Variants in EPB41 observed in about 807,000 individuals in gnomAD.
EPB41 encodes the protein protein 4.1.
Under a neutral mutation model 108.0 loss-of-function variants are expected in EPB41, and 65 were observed. The observed-to-expected ratio is 0.60, with a 90% CI of 0.49 to 0.74. The LOEUF (loss-of-function observed/expected upper bound fraction) is 0.74. Among genes scored for constraint, EPB41 ranks in the 30% least tolerant of loss-of-function variants. The pLI is 0.00. For synonymous variants in EPB41, 336 were observed against 358.9 expected, an observed-to-expected ratio of 0.94 and a Z score of 0.72; for missense variants, 875 against 1,037.0, an observed-to-expected ratio of 0.84 and a Z score of 2.15.
chr1:29,101,884 A>G (rs568446072), intron 17 of EPB41, among the ~76,000 whole-genome samples: 11 of 152,110 alleles, frequency 7.2e-5, no homozygotes, highest in Non-Finnish European at 1.6e-4. Context: ...TGGGGAACAG[A>G]GTGAGGACCT....
At chr1:29,058,346 T>A (rs2150890390) in intron 12 of EPB41, among the ~76,000 whole-genome samples, 1 of 152,296 alleles carries the variant, frequency 6.6e-6, no homozygotes, top group East Asian at 1.9e-4. Flanking sequence ...TTACCTTAAT[T>A]TTCTTTTTTG....
chr1:28,919,083 A>G (rs112050742), intron 1 of EPB41, among the ~76,000 whole-genome samples: 3,311 of 152,250 alleles, frequency 0.022, 62 homozygotes, highest in Middle Eastern at 0.051. Context: ...AGAAAGGAGA[A>G]CTTTGATATT....
chr1:29,008,926 C>G (rs1192712677), intron 4 of EPB41, among the ~76,000 whole-genome samples: 1 of 152,134 alleles, frequency 6.6e-6, no homozygotes, highest in Non-Finnish European at 1.5e-5. Context: ...ATTTAGATCC[C>G]CCAGACATTC....
chr1:29,027,112 TAA>T (rs1040208959), intron 7 of EPB41, among the ~76,000 whole-genome samples: 2 of 151,770 alleles, frequency 1.3e-5, no homozygotes, highest in African/African-American at 2.4e-5. Context: ...AAAAAATTCT[TAA>T]GTTAGAATTA....
At chr1:28,993,158 T>C (rs1011577720) in intron 2 of EPB41, among the ~76,000 whole-genome samples, 172 bp from the exon 3 acceptor site, 9 of 152,196 alleles carry the variant, frequency 5.9e-5, no homozygotes, top group Admixed American at 3.9e-4. Flanking sequence ...ACAAAGTCTT[T>C]AGGGCATTTG....
chr1:29,094,798 T>G (rs1662610149), intron 16 of EPB41, among the ~76,000 whole-genome samples: 1 of 152,186 alleles, frequency 6.6e-6, no homozygotes, highest in Non-Finnish European at 1.5e-5. Flanking sequence ...CTCTTCCACA[T>G]TCTCTTCCAT....
At chr1:28,907,946 A>G (rs993732206) in intron 1 of EPB41, among the ~76,000 whole-genome samples, 5 of 152,080 alleles carry the variant, frequency 3.3e-5, no homozygotes, top group Non-Finnish European at 5.9e-5. Flanking sequence ...TTGGGATTAT[A>G]GGTGTGAGCC....
At chr1:29,099,958 G>T (rs539744) in intron 17 of EPB41, among the ~76,000 whole-genome samples, 2 of 152,102 alleles carry the variant, frequency 1.3e-5, no homozygotes, top group Non-Finnish European at 2.9e-5. Flanking sequence ...AGACAATATG[G>T]GATTACATGA....
chr1:28,905,495 CA>C (rs776733764), intron 1 of EPB41, among the ~76,000 whole-genome samples: 150 of 137,142 alleles, frequency 1.1e-3, no homozygotes, highest in African/African-American at 2.6e-3. Flanking sequence ...GACTATGTCT[CA>C]AAAAAAAAAA....
chr1:29,099,233 G>GGA (rs1328890224), intron 17 of EPB41, among the ~76,000 whole-genome samples: 3 of 148,926 alleles, frequency 2.0e-5, no homozygotes, highest in African/African-American at 7.4e-5. Flanking sequence ...CTTGAACACA[G>GGA]GAGGTTGCAG....
rs111656215 is a variant in EPB41, at chr1:28,992,671, A to T, written c.469-659A>T. Among the ~76,000 whole-genome samples the T allele has an allele frequency of 7.4e-3, 1,130 of 152,302 alleles. 10 individuals are homozygous for T. The highest frequency in any genetic ancestry group is 0.026 in the African/African-American group (1,063 of 41,532). ...GCCACTGCACTCCAGCCTGGGCTAC[A>T]GAGTGAGACTCCGTCTCAAAAAAAA... On this transcript the variant is annotated intron_variant, in intron 2 of 20. Transcript: ENST00000343067.
chr1:29,037,144 G>C (rs1252238588), intron 10 of EPB41, among the ~76,000 whole-genome samples: 1 of 152,130 alleles, frequency 6.6e-6, no homozygotes, highest in African/African-American at 2.4e-5. Flanking sequence ...CCAGGCTGGA[G>C]TGCAGTCTGT....
intron 6 of EPB41, among the ~76,000 whole-genome samples, chr1:29,017,732 G>A (rs934420859): frequency 6.6e-6 from 1 of 152,136 alleles, no homozygotes; most frequent in African/African-American, 2.4e-5. Context: ...AAAGGGCCTG[G>A]TTTTGGAGCC....
chr1:29,064,824 A>G, intron 15 of EPB41, 158 bp from the exon 16 acceptor site: 1 of 931,228 alleles, frequency 1.1e-6, no homozygotes, highest in Non-Finnish European at 1.6e-6. Context: ...GCAAGCAAAT[A>G]TACCATGTTG....
intron 1 of EPB41, among the ~76,000 whole-genome samples, chr1:28,905,279 T>C (rs886255224): frequency 2.6e-5 from 4 of 151,736 alleles, no homozygotes; most frequent in Non-Finnish European, 4.4e-5. Flanking sequence ...AGTGGATCAC[T>C]TGAGGTTGGG....
chr1:29,004,193 G>C (rs1186504143), intron 4 of EPB41, among the ~76,000 whole-genome samples: 1 of 152,030 alleles, frequency 6.6e-6, no homozygotes, highest in East Asian at 1.9e-4. Context: ...TTTTTTCCTT[G>C]GGAGAGAAGT....
At chr1:29,065,187 TG>T (rs1384810204) in intron 16 of EPB41, 29 bp downstream of exon 16, 1 of 1,540,740 alleles carries the variant, frequency 6.5e-7, no homozygotes, top group African/African-American at 1.4e-5. Context: ...TGACCAATTG[TG>T]AAAATGGAGG....
chr1:29,102,274 G>C lies in EPB41; in HGVS notation c.2313+4339G>C, dbSNP rs140700718. On this transcript the variant is annotated intron_variant, in intron 17 of 20. Transcript: ENST00000343067. ...TGTGTGGCCTTTAATAAAAGCTTCT[G>C]ATGGGAACAAGCTACATGATAAATT... Among the ~76,000 whole-genome samples the C allele has an allele frequency of 5.7e-3, 864 of 152,256 alleles. 10 individuals are homozygous for C. Among genetic ancestry groups the C allele is most frequent in the African/African-American group, 0.02 (822 of 41,538 alleles).
intron 17 of EPB41, 107 bp downstream of exon 17, chr1:29,098,042 G>C: frequency 3.3e-6 from 5 of 1,513,798 alleles, no homozygotes; most frequent in Non-Finnish European, 4.5e-6. Flanking sequence ...GGTTTTTCTG[G>C]GGCAGTTCTT....
Sources: gnomAD v4.1 joint callset for allele counts (sites outside exome capture counted in the v4.1 genomes callset) on GRCh38, gnomAD v4.1.1 for gene constraint, MANE v1.5 for transcripts, NCBI Gene and HGNC (gene_info 2026-07-23, HGNC 2026-07-21) for gene names.